The following KCNIP4 variants were observed in gnomAD, a reference collection of about 807,000 sequenced individuals.
KCNIP4 encodes the protein Kv channel-interacting protein 4.
In KCNIP4, 12 loss-of-function variants were observed where a neutral mutation model predicts 34.0. The ratio of observed to expected loss-of-function variants is 0.35; its 90% CI spans 0.23 to 0.57. KCNIP4 has a LOEUF of 0.57. Ranked by LOEUF, KCNIP4 falls within the 20% of genes least tolerant of loss-of-function variation. KCNIP4 has a pLI of 0.83. For synonymous variants in KCNIP4, 124 were observed against 102.2 expected (o/e 1.21, Z -1.29); for missense variants, 238 against 311.7 (o/e 0.76, Z 1.78).
chr4:21,524,797 T>C (rs554316016), intron 1 of KCNIP4, among the ~76,000 whole-genome samples: 1 of 152,102 alleles, frequency 6.6e-6, no homozygotes, highest in Non-Finnish European at 1.5e-5. Context: ...ACTAGTGATT[T>C]TTTTTTTATT....
intron 3 of KCNIP4, among the ~76,000 whole-genome samples, chr4:20,817,598 C>G (rs1479215644): frequency 6.6e-6 from 1 of 151,942 alleles, no homozygotes; most frequent in Non-Finnish European, 1.5e-5. Context: ...CCTTTGCTAT[C>G]ACCTTATTGC....
At chr4:21,241,073 C>G (rs1252367571) in intron 1 of KCNIP4, among the ~76,000 whole-genome samples, 1 of 151,928 alleles carries the variant, frequency 6.6e-6, no homozygotes, top group Non-Finnish European at 1.5e-5. Context: ...TACAGAGTCA[C>G]TACATGTTTT....
rs187543556 is a variant in KCNIP4 at position 20,832,493 on chromosome 4, A to T, written c.288+18050T>A. On this transcript the variant is annotated intron_variant, in intron 3 of 8. Coordinates refer to ENST00000382152, the MANE Select transcript of KCNIP4 (RefSeq NM_025221.6). ...CCTTGGCCTAATTTTTGGTAAATTT[A>T]ATTTTATCCTTTCTCAATGTTGTGG... is the stretch of plus-strand genomic sequence containing the variant. Among the ~76,000 whole-genome samples, 298 of 152,288 alleles carry T rather than the reference A, an allele frequency of 2.0e-3. 1 individual carries two copies. The highest frequency in any genetic ancestry group is 3.5e-3 in the Non-Finnish European group (235 of 68,026).
chr4:21,214,044 C>T (rs1757402020), intron 1 of KCNIP4, among the ~76,000 whole-genome samples: 2 of 152,140 alleles, frequency 1.3e-5, no homozygotes, highest in South Asian at 4.1e-4. Flanking sequence ...TCTTCTTATG[C>T]CTCAGTTTTT....
At chr4:21,778,224 CTTTTTTTTTTTCTTTT>C (rs1377889589) in intron 1 of KCNIP4, among the ~76,000 whole-genome samples, 2 of 102,390 alleles carry the variant, frequency 2.0e-5, no homozygotes, top group Non-Finnish European at 3.7e-5. Context: ...TCCTTTTTTC[CTTTTTTTTTTTCTTTT>C]TTTTTTTTTT....
intron 1 of KCNIP4, among the ~76,000 whole-genome samples, chr4:21,514,540 T>C (rs552158830): frequency 6.6e-6 from 1 of 151,948 alleles, no homozygotes; most frequent in African/African-American, 2.4e-5. Flanking sequence ...ATGGGAAAAA[T>C]AGTAACTAAA....
chr4:20,884,767 G>T (rs527784773), intron 1 of KCNIP4, among the ~76,000 whole-genome samples: 1 of 150,948 alleles, frequency 6.6e-6, no homozygotes, highest in African/African-American at 2.4e-5. Flanking sequence ...GAGTGCAGTG[G>T]CGCGATCTCA....
intron 1 of KCNIP4, among the ~76,000 whole-genome samples, chr4:21,266,940 T>C (rs1761848970): frequency 6.6e-6 from 1 of 152,192 alleles, no homozygotes; most frequent in Non-Finnish European, 1.5e-5. Flanking sequence ...GAAACGTGGT[T>C]AGCTAAGGTC....
chr4:21,021,657 C>T (rs1447269692), intron 1 of KCNIP4, among the ~76,000 whole-genome samples: 1 of 152,244 alleles, frequency 6.6e-6, no homozygotes, highest in East Asian at 1.9e-4. Flanking sequence ...ATCAATATCA[C>T]TGTCTTCCAC....
intron 7 of KCNIP4, among the ~76,000 whole-genome samples, chr4:20,732,335 G>T (rs76339875): frequency 0.062 from 9,379 of 152,168 alleles, 347 homozygotes; most frequent in East Asian, 0.1. Context: ...ATGTGACAGA[G>T]CTTGCGCAAT....
chr4:20,814,341 C>G (rs1158302820), intron 3 of KCNIP4, among the ~76,000 whole-genome samples: 3 of 152,140 alleles, frequency 2.0e-5, no homozygotes, highest in African/African-American at 7.2e-5. Flanking sequence ...TCCTTGTCAT[C>G]CCTTCATGAT....
chr4:21,531,757 G>A (rs1736700982), intron 1 of KCNIP4, among the ~76,000 whole-genome samples: 1 of 151,954 alleles, frequency 6.6e-6, no homozygotes, highest in Non-Finnish European at 1.5e-5. Flanking sequence ...TAATAATGAT[G>A]ACAATGGGGT....
chr4:20,993,862 G>A (rs763655105), intron 1 of KCNIP4, among the ~76,000 whole-genome samples: 4 of 152,194 alleles, frequency 2.6e-5, no homozygotes, highest in Non-Finnish European at 4.4e-5. Context: ...GCAGGACCAC[G>A]TTCCTATTGG....
At chr4:21,717,627 C>G in intron 1 of KCNIP4, among the ~76,000 whole-genome samples, 1 of 152,178 alleles carries the variant, frequency 6.6e-6, no homozygotes, top group Non-Finnish European at 1.5e-5. Flanking sequence ...GAGCAAACAG[C>G]TATCAGTTCT....
At chr4:20,952,660 G>T (rs1732898426) in intron 1 of KCNIP4, among the ~76,000 whole-genome samples, 1 of 152,022 alleles carries the variant, frequency 6.6e-6, no homozygotes, top group African/African-American at 2.4e-5. Flanking sequence ...TGAATAACTG[G>T]TCATAATAAT....
chr4:21,290,308 A>G (rs1035956053), intron 1 of KCNIP4, among the ~76,000 whole-genome samples: 22 of 152,170 alleles, frequency 1.4e-4, no homozygotes, highest in Non-Finnish European at 2.5e-4. Flanking sequence ...ACGTTGATAA[A>G]TTACTATGTT....
intron 1 of KCNIP4, among the ~76,000 whole-genome samples, chr4:21,665,483 G>A (rs1004300462): frequency 4.0e-5 from 6 of 150,410 alleles, no homozygotes; most frequent in African/African-American, 1.5e-4. Flanking sequence ...CTGAGGAATG[G>A]TTACTACTGT....
intron 1 of KCNIP4, among the ~76,000 whole-genome samples, chr4:21,369,408 C>G (rs1296974107): frequency 6.8e-6 from 1 of 146,794 alleles, no homozygotes; most frequent in Non-Finnish European, 1.5e-5. Flanking sequence ...TTAGTTCTAC[C>G]ATCGTTTAGG....
At chr4:21,803,866 A>G (rs1721144048) in intron 1 of KCNIP4, among the ~76,000 whole-genome samples, 1 of 152,210 alleles carries the variant, frequency 6.6e-6, no homozygotes, top group Non-Finnish European at 1.5e-5. Flanking sequence ...GAGAACTGAG[A>G]CAAAGTCTCT....
Sources: allele counts gnomAD v4.1 joint callset (sites outside exome capture counted in the v4.1 genomes callset), GRCh38; gene constraint gnomAD v4.1.1; transcripts MANE v1.5; gene names NCBI Gene and HGNC (gene_info 2026-07-23, HGNC 2026-07-21).